The following GRIK3 variants were observed in gnomAD, a reference collection of about 807,000 sequenced individuals.
The protein encoded by GRIK3 is glutamate receptor ionotropic, kainate 3.
A neutral mutation model predicts 102.5 loss-of-function variants in GRIK3; 29 were observed. The observed-to-expected ratio is 0.28, with a 90% CI of 0.21 to 0.39. The LOEUF is 0.39. Among genes scored for constraint, GRIK3 ranks in the 10% least tolerant of loss-of-function variants. The probability of loss-of-function intolerance (pLI) is 1.00; values close to 1 mark genes in which losing one functional copy is unlikely to be tolerated. For synonymous variants in GRIK3, 511 were observed against 504.9 expected, an observed-to-expected ratio of 1.01 and a Z score of -0.16; for missense variants, 908 against 1,252.4, an observed-to-expected ratio of 0.73 and a Z score of 4.15.
At chr1:36,827,444 A>T (rs1018491232) in intron 10 of GRIK3, among the ~76,000 whole-genome samples, 9 of 151,170 alleles carry the variant, frequency 6.0e-5, no homozygotes, top group African/African-American at 2.2e-4. Flanking sequence ...GCAAGGGGGG[A>T]CCTCCCTCTG....
intron 1 of GRIK3, among the ~76,000 whole-genome samples, chr1:36,899,069 TA>T: frequency 6.6e-6 from 1 of 152,230 alleles, no homozygotes; most frequent in East Asian, 1.9e-4. Context: ...GACCTAAAAC[TA>T]TACAACTCTT....
At position 36,919,535 on chromosome 1, in the gene GRIK3, G is replaced by A. The variant is rs1413996871; in HGVS notation, c.116-28439C>T. ...AGGGAGCAGCTGGAGCAGCAGGAAC[G>A]AGCCTGCTGGTTTTGGCGAACAGGC... is the stretch of plus-strand genomic sequence containing the variant. On this transcript the variant is annotated intron_variant, in intron 1 of 15. Transcript: ENST00000373091. Among the ~76,000 whole-genome samples, 3 of 152,152 alleles carry A rather than the reference G, an allele frequency of 2.0e-5. No individual in the cohort carries two copies. The East Asian group carries it at 5.8e-4, about 29-fold the overall frequency.
intron 1 of GRIK3, among the ~76,000 whole-genome samples, chr1:36,932,731 C>T (rs936456815): frequency 4.6e-5 from 7 of 152,212 alleles, no homozygotes; most frequent in African/African-American, 1.7e-4. Flanking sequence ...TTCTTTCATT[C>T]TCTACATTTT....
intron 10 of GRIK3, 51 bp downstream of exon 10, chr1:36,841,685 G>A (rs1374023337): frequency 2.0e-6 from 3 of 1,490,274 alleles, no homozygotes; most frequent in Non-Finnish European, 2.8e-6. Context: ...ACAGTTCTAG[G>A]CCAAGTCTCC....
At chr1:36,890,459 G>A (rs1404317790) in intron 2 of GRIK3, among the ~76,000 whole-genome samples, 1 of 149,862 alleles carries the variant, frequency 6.7e-6, no homozygotes, top group Admixed American at 6.6e-5. Context: ...GTGAGACTCT[G>A]TCTAAAAAAA....
intron 1 of GRIK3, among the ~76,000 whole-genome samples, chr1:36,906,871 C>T: frequency 6.6e-6 from 1 of 152,218 alleles, no homozygotes; most frequent in South Asian, 2.1e-4. Flanking sequence ...TTTACAATAA[C>T]TTATTGTTTA....
chr1:36,859,218 T>G lies in GRIK3; in HGVS notation c.994A>C (p.Ile332Leu). 6.2e-7 allele frequency: 1 copy of G among 1,613,664 alleles called. No individual in the cohort carries two copies. Among genetic ancestry groups the G allele is most frequent in the Non-Finnish European group, 8.5e-7 (1 of 1,179,648 alleles). Residue 332 changes from isoleucine (I) to leucine (L), a missense_variant, in exon 7 of 16, where the codon ATC becomes CTC. By Grantham distance (5) the Ile-to-Leu change is conservative. Coordinates refer to ENST00000373091, the MANE Select transcript of GRIK3 (RefSeq NM_000831.4). ...GCCCGCTGGTAGCACACGGACACGA[T>G]ATGGACGGCGTCGTACAGTAAGGCT... ...DAALLYDAVH[I>L]VSVCYQRAPQ...
At chr1:36,910,296 T>G (rs544126502) in intron 1 of GRIK3, among the ~76,000 whole-genome samples, 2 of 152,378 alleles carry the variant, frequency 1.3e-5, no homozygotes, top group Non-Finnish European at 2.9e-5. Flanking sequence ...TGCTTTGTAC[T>G]TTTTCTGAAG....
rs187859984 is a variant in GRIK3 at position 36,909,349 on chromosome 1, A to G, written c.116-18253T>C. Among the ~76,000 whole-genome samples, 1,359 of 147,476 alleles carry G rather than the reference A, an allele frequency of 9.2e-3. 18 individuals are homozygous for G. The highest frequency in any genetic ancestry group is 0.031 in the African/African-American group (1,229 of 39,522). ...AGTCTTGCTGTGTCACCCAGGCTGG[A>G]GTGCAGTGGCACAATCTCGGTTCAC... is the stretch of plus-strand genomic sequence containing the variant. On this transcript the variant is annotated intron_variant, in intron 1 of 15. Transcript: ENST00000373091.
intron 1 of GRIK3, among the ~76,000 whole-genome samples, chr1:37,004,030 C>T (rs1166924022): frequency 6.6e-6 from 1 of 152,156 alleles, no homozygotes; most frequent in Non-Finnish European, 1.5e-5. Context: ...AGGCAGCACT[C>T]GGCCCAATCT....
At chr1:36,992,979 C>T (rs1642378932) in intron 1 of GRIK3, among the ~76,000 whole-genome samples, 1 of 152,104 alleles carries the variant, frequency 6.6e-6, no homozygotes, top group South Asian at 2.1e-4. Flanking sequence ...CAAGCTGTCC[C>T]TTGGACATCT....
At chr1:36,894,629 T>G (rs1275739673) in intron 1 of GRIK3, among the ~76,000 whole-genome samples, 1 of 152,106 alleles carries the variant, frequency 6.6e-6, no homozygotes, top group Non-Finnish European at 1.5e-5. Context: ...ATAGAGAGAA[T>G]TACAAATTAA....
chr1:36,988,408 T>C (rs886201177), intron 1 of GRIK3, among the ~76,000 whole-genome samples: 44 of 152,214 alleles, frequency 2.9e-4, no homozygotes, highest in Non-Finnish European at 7.3e-5. Flanking sequence ...TGCCCTCCCA[T>C]CTCTGGGGCA....
At chr1:37,019,614 T>C (rs911881578) in intron 1 of GRIK3, among the ~76,000 whole-genome samples, 10 of 152,172 alleles carry the variant, frequency 6.6e-5, no homozygotes, top group Admixed American at 4.6e-4. Context: ...CCCCGCATCC[T>C]GGAGCCCCCG....
chr1:36,871,540 C>G (rs114893739), intron 4 of GRIK3, among the ~76,000 whole-genome samples: 1 of 152,208 alleles, frequency 6.6e-6, no homozygotes, highest in Non-Finnish European at 1.5e-5. Flanking sequence ...ACCCTTGGAG[C>G]GGGTGGTAGG....
intron 9 of GRIK3, among the ~76,000 whole-genome samples, chr1:36,842,282 C>G (rs967695276): frequency 1.3e-5 from 2 of 152,174 alleles, no homozygotes; most frequent in African/African-American, 4.8e-5. Flanking sequence ...AGAGGCTCAG[C>G]GTGTGGTCCC....
At chr1:36,931,039 C>T (rs1323897493) in intron 1 of GRIK3, among the ~76,000 whole-genome samples, 1 of 152,194 alleles carries the variant, frequency 6.6e-6, no homozygotes, top group Non-Finnish European at 1.5e-5. Flanking sequence ...CGGGGCCTGC[C>T]TTTCTGGTCA....
intron 1 of GRIK3, among the ~76,000 whole-genome samples, chr1:37,000,816 A>G (rs1316317034): frequency 6.6e-6 from 1 of 152,196 alleles, no homozygotes; most frequent in Admixed American, 6.5e-5. Context: ...CAGTGGGAGA[A>G]AAGGTGAGCT....
At chr1:37,015,540 A>G (rs1253580067) in intron 1 of GRIK3, among the ~76,000 whole-genome samples, 2 of 151,982 alleles carry the variant, frequency 1.3e-5, no homozygotes, top group Non-Finnish European at 2.9e-5. Flanking sequence ...TCATTACTAA[A>G]TCTCCCTTCT....
Sources: gnomAD v4.1 joint callset for allele counts (sites outside exome capture counted in the v4.1 genomes callset) on GRCh38, gnomAD v4.1.1 for gene constraint, MANE v1.5 for transcripts, NCBI Gene and HGNC (gene_info 2026-07-23, HGNC 2026-07-21) for gene names.